DLG1: variants seen among roughly 807,000 people sequenced by gnomAD.
DLG1 encodes disks large homolog 1.
Under a neutral mutation model 123.4 loss-of-function variants are expected in DLG1, and 42 were observed. The ratio of observed to expected loss-of-function variants is 0.34; its 90% CI spans 0.27 to 0.44. The LOEUF (loss-of-function observed/expected upper bound fraction) is 0.44, where lower values mean the gene tolerates loss of function less well. DLG1 is among the 20% of genes least tolerant of loss of function. The pLI is 1.00. For synonymous variants in DLG1, 317 were observed against 356.2 expected (o/e 0.89, Z 1.24); for missense variants, 942 against 1,082.6 (o/e 0.87, Z 1.82).
intron 4 of DLG1, among the ~76,000 whole-genome samples, chr3:197,238,942 C>T (rs567217146): frequency 1.3e-5 from 2 of 151,500 alleles, no homozygotes; most frequent in East Asian, 1.9e-4. Flanking sequence ...CAAGAACAAA[C>T]GAAACACAAG....
intron 1 of DLG1, chr3:197,298,239 G>A (rs1243445054): frequency 5.8e-6 from 2 of 341,892 alleles, no homozygotes; most frequent in Non-Finnish European, 1.0e-5. Flanking sequence ...TGCTACCTTC[G>A]GGTTGGAAGG....
intron 5 of DLG1, among the ~76,000 whole-genome samples, chr3:197,158,666 G>A (rs2149854006): frequency 1.2e-5 from 1 of 84,442 alleles, no homozygotes; most frequent in South Asian, 4.2e-4. Context: ...AAGCCCAGAG[G>A]CAGTATGATG....
intron 3 of DLG1, among the ~76,000 whole-genome samples, chr3:197,292,267 G>A (rs1322455383): frequency 6.6e-6 from 1 of 152,144 alleles, no homozygotes; most frequent in African/African-American, 2.4e-5. Flanking sequence ...TACATACAAC[G>A]GAATATTATT....
chr3:197,095,140 C>T (rs1369959593), intron 14 of DLG1, among the ~76,000 whole-genome samples: 1 of 152,088 alleles, frequency 6.6e-6, no homozygotes, highest in African/African-American at 2.4e-5. Context: ...AAGACTAGAG[C>T]AATCACAAAC....
chr3:197,072,865 T>C (rs1744925668), intron 18 of DLG1, among the ~76,000 whole-genome samples: 1 of 152,192 alleles, frequency 6.6e-6, no homozygotes, highest in East Asian at 1.9e-4. Flanking sequence ...CCTTGCTAAT[T>C]TTTGTACTTT....
intron 4 of DLG1, among the ~76,000 whole-genome samples, chr3:197,217,410 G>A (rs1247940605): frequency 6.6e-6 from 1 of 152,116 alleles, no homozygotes; most frequent in Non-Finnish European, 1.5e-5. Context: ...TGTAAACTAT[G>A]TTTTGATTTC....
chr3:197,049,131 CAACCCTGT>C (rs58077969), intron 24 of DLG1, among the ~76,000 whole-genome samples: 139,614 of 151,466 alleles, frequency 0.92, 64,401 homozygotes, highest in East Asian at 0.95. Flanking sequence ...CCAGCACGGC[CAACCCTGT>C]AACCCTGTCT....
At chr3:197,296,244 C>A in intron 3 of DLG1, 102 bp downstream of exon 3, 2 of 1,140,796 alleles carry the variant, frequency 1.8e-6, no homozygotes, top group South Asian at 3.3e-5. Context: ...TTACCGAATG[C>A]CTCAGAGAAT....
intron 4 of DLG1, among the ~76,000 whole-genome samples, chr3:197,249,234 A>G (rs1002505219): frequency 2.6e-5 from 4 of 152,116 alleles, no homozygotes; most frequent in African/African-American, 9.7e-5. Context: ...AACTGAGACC[A>G]CAGAAATACA....
chr3:197,296,704 G>T, intron 2 of DLG1: 1 of 436,188 alleles, frequency 2.3e-6, no homozygotes, highest in East Asian at 3.5e-5. Context: ...GAAAACGGAG[G>T]AGAGTGAGCA....
At chr3:197,218,449 G>C (rs1220968902) in intron 4 of DLG1, among the ~76,000 whole-genome samples, 1 of 152,110 alleles carries the variant, frequency 6.6e-6, no homozygotes, top group African/African-American at 2.4e-5. Flanking sequence ...GCTTAAAATA[G>C]ACTCATTTTC....
intron 5 of DLG1, among the ~76,000 whole-genome samples, chr3:197,191,227 G>C (rs538785039): frequency 6.6e-6 from 1 of 152,174 alleles, no homozygotes; most frequent in East Asian, 1.9e-4. Flanking sequence ...CCTTGCATAA[G>C]GGAAACGGAA....
chr3:197,045,016 A>G (rs1292263719), intron 24 of DLG1, among the ~76,000 whole-genome samples: 1 of 152,062 alleles, frequency 6.6e-6, no homozygotes, highest in Admixed American at 6.6e-5. Flanking sequence ...TTTAAAACAA[A>G]TTATTTTCTT....
chr3:197,251,114 G>T lies in DLG1; in HGVS notation c.318+31565C>A, dbSNP rs191322354. Among the ~76,000 whole-genome samples the T allele has an allele frequency of 2.4e-4, 36 of 151,704 alleles. No homozygotes were observed. In the East Asian group the frequency reaches 6.6e-3, roughly 28 times the overall value. ...AATCTACAGATTCAGGGACAGGCAC[G>T]GTGGCTCATGCCTGTAACCCCAGCA... On this transcript the variant is annotated intron_variant, in intron 4 of 24. Coordinates refer to ENST00000667157, the MANE Select transcript of DLG1 (RefSeq NM_001366207.1).
At chr3:197,296,319 T>C (rs1777341767) in intron 3 of DLG1, 27 bp downstream of exon 3, 1 of 1,605,538 alleles carries the variant, frequency 6.2e-7, no homozygotes, top group African/African-American at 1.3e-5. Flanking sequence ...CTAGCTGGCA[T>C]AATAGTTACG....
At chr3:197,144,600 C>G (rs1789744676) in intron 6 of DLG1, among the ~76,000 whole-genome samples, 1 of 152,132 alleles carries the variant, frequency 6.6e-6, no homozygotes, top group African/African-American at 2.4e-5. Flanking sequence ...CCTACATAAG[C>G]TACTTTGCTT....
chr3:197,158,634 C>CAAAAAAAAAAAAAAAAAAAA (rs71623339), intron 5 of DLG1, among the ~76,000 whole-genome samples: 51 of 67,482 alleles, frequency 7.6e-4, no homozygotes, highest in African/African-American at 2.2e-3. Context: ...AACTCCATTT[C>CAAAAAAAAAAAAAAAAAAAA]AAAAAAAAAA....
At chr3:197,178,332 G>A (rs990509900) in intron 5 of DLG1, among the ~76,000 whole-genome samples, 8 of 151,974 alleles carry the variant, frequency 5.3e-5, no homozygotes, top group Admixed American at 3.9e-4. Context: ...GACTGGATAC[G>A]GAGCAAAGAA....
rs1018776093 is a variant in DLG1 at position 197,232,799 on chromosome 3, C to A, written c.319-38210G>T. Among the ~76,000 whole-genome samples the A allele has an allele frequency of 4.7e-5, 7 of 149,574 alleles. No homozygotes were observed. In the East Asian group the frequency reaches 1.2e-3, roughly 25 times the overall value. Reference sequence around the variant, plus strand: ...AGCTTCCTTGTGCCAAATTTGAGAACTACTAAGTATCTCCACAGAAAAAGC... The same window carrying A: ...AGCTTCCTTGTGCCAAATTTGAGAAATACTAAGTATCTCCACAGAAAAAGC... On this transcript the variant is annotated intron_variant, in intron 4 of 24. Transcript: ENST00000667157.
Sources: gnomAD v4.1 joint callset for allele counts (sites outside exome capture counted in the v4.1 genomes callset) on GRCh38, gnomAD v4.1.1 for gene constraint, MANE v1.5 for transcripts, NCBI Gene and HGNC (gene_info 2026-07-23, HGNC 2026-07-21) for gene names.